The following TBC1D22A variants were observed in gnomAD, a reference collection of about 807,000 sequenced individuals.
TBC1D22A encodes the protein putative GTPase activator.
A neutral mutation model predicts 60.2 loss-of-function variants in TBC1D22A; 38 were observed. The observed-to-expected ratio is 0.63, with a 90% CI of 0.49 to 0.83. The LOEUF is 0.83. Among genes scored for constraint, TBC1D22A ranks in the 40% least tolerant of loss-of-function variants. The pLI is 0.00. For missense variants in TBC1D22A, 628 were observed against 701.0 expected (o/e 0.90, Z 1.18); for synonymous variants, 302 against 281.7 (o/e 1.07, Z -0.72).
chr22:47,037,243 C>T (rs372691939), intron 11 of TBC1D22A, 45 bp downstream of exon 11: 33 of 1,605,702 alleles, frequency 2.1e-5, no homozygotes, highest in African/African-American at 5.3e-5. Context: ...GCCAGGAGCC[C>T]GGGCCGTTTC....
intron 4 of TBC1D22A, among the ~76,000 whole-genome samples, chr22:46,832,630 G>T (rs952699185): frequency 1.3e-4 from 20 of 152,298 alleles, no homozygotes; most frequent in African/African-American, 4.6e-4. Flanking sequence ...TGGGCAACAA[G>T]AGCGAAACTC....
intron 11 of TBC1D22A, among the ~76,000 whole-genome samples, chr22:47,038,743 GATCTCACTACGGAAATT>G (rs2062739281): frequency 6.6e-6 from 1 of 152,188 alleles, no homozygotes; most frequent in South Asian, 2.1e-4. Flanking sequence ...CTGGTCTAAT[GATCTCACTACGGAAATT>G]ATCACCAGTC....
At chr22:47,091,006 G>A (rs1436146157) in intron 11 of TBC1D22A, among the ~76,000 whole-genome samples, 7 of 129,842 alleles carry the variant, frequency 5.4e-5, no homozygotes, top group Admixed American at 7.9e-5. Context: ...AGAGGGGGTG[G>A]CTGCTTGTTG....
intron 10 of TBC1D22A, among the ~76,000 whole-genome samples, chr22:47,022,979 C>T (rs1282178521): frequency 6.6e-6 from 1 of 152,152 alleles, no homozygotes; most frequent in African/African-American, 2.4e-5. Context: ...ATCTAGCTTT[C>T]AAAGGCATTG....
chr22:46,903,306 G>A (rs960379795), intron 7 of TBC1D22A, among the ~76,000 whole-genome samples: 6 of 152,206 alleles, frequency 3.9e-5, no homozygotes, highest in African/African-American at 9.6e-5. Flanking sequence ...GATGGTAGCA[G>A]AGCGAAGTTC....
chr22:46,829,762 TC>T (rs2086228535), intron 4 of TBC1D22A, among the ~76,000 whole-genome samples: 1 of 152,234 alleles, frequency 6.6e-6, no homozygotes, highest in Non-Finnish European at 1.5e-5. Flanking sequence ...TCCATGGATT[TC>T]TGAGGTTATC....
At chr22:47,042,478 A>T (rs1231304997) in intron 11 of TBC1D22A, among the ~76,000 whole-genome samples, 3 of 152,194 alleles carry the variant, frequency 2.0e-5, no homozygotes, top group Admixed American at 6.5e-5. Context: ...TGATGCGGGG[A>T]CATTGGGACT....
chr22:47,145,846 C>T (rs1249810730), intron 12 of TBC1D22A, among the ~76,000 whole-genome samples: 1 of 152,156 alleles, frequency 6.6e-6, no homozygotes, highest in African/African-American at 2.4e-5. Flanking sequence ...TGAGAGTCAG[C>T]GGAGTGGATT....
At chr22:46,978,705 G>T (rs1021664164) in intron 9 of TBC1D22A, among the ~76,000 whole-genome samples, 1 of 152,146 alleles carries the variant, frequency 6.6e-6, no homozygotes, top group African/African-American at 2.4e-5. Context: ...CGCCTCCCAG[G>T]TTCAAGCGAT....
intron 12 of TBC1D22A, among the ~76,000 whole-genome samples, chr22:47,155,219 A>C (rs114533652): frequency 0.012 from 1,888 of 151,946 alleles, 38 homozygotes; most frequent in African/African-American, 0.044. Context: ...TTTTGGAAAA[A>C]AAAAAAATGA....
chr22:47,075,222 CAA>C (rs386395628), intron 11 of TBC1D22A, among the ~76,000 whole-genome samples: 6 of 114,116 alleles, frequency 5.3e-5, no homozygotes, highest in Admixed American at 9.6e-5. Flanking sequence ...GATTCCGTCT[CAA>C]AAAAAAAAAA....
chr22:47,039,935 C>CTTTTTTTTTT lies in TBC1D22A; in HGVS notation c.1329+2755_1329+2764dup, dbSNP rs570751261. On this transcript the variant is annotated intron_variant, in intron 11 of 12. Coordinates refer to ENST00000337137, the MANE Select transcript of TBC1D22A (RefSeq NM_014346.5). Reference sequence around the variant, plus strand: ...CAAGGCGTCGGGGAGGTGCCACAGCCTTTTTTTTTTTTTTTTTTTTTTTTT... The same window carrying CTTTTTTTTTT: ...CAAGGCGTCGGGGAGGTGCCACAGCCTTTTTTTTTTTTTTTTTTTTTTTTTTTTTTTTTTT... Among the ~76,000 whole-genome samples, 323 of 77,272 alleles carry CTTTTTTTTTT rather than the reference C, an allele frequency of 4.2e-3. 38 individuals carry two copies. Among genetic ancestry groups the CTTTTTTTTTT allele is most frequent in the African/African-American group, 0.02 (313 of 15,910 alleles). The allele number at this position is 77,272 out of a possible 152,430, so 50.7% of individuals were successfully genotyped here.
chr22:47,093,347 A>T (rs2065052305), intron 11 of TBC1D22A, among the ~76,000 whole-genome samples: 1 of 152,058 alleles, frequency 6.6e-6, no homozygotes, highest in Non-Finnish European at 1.5e-5. Context: ...ATGTAAATCA[A>T]GGTCATTTTT....
chr22:46,827,484 C>T (rs2086120875), intron 4 of TBC1D22A, among the ~76,000 whole-genome samples: 1 of 152,240 alleles, frequency 6.6e-6, no homozygotes, highest in Admixed American at 6.5e-5. Flanking sequence ...TCGGAATCTG[C>T]TTTCCTTTCT....
chr22:47,119,713 T>C (rs2066202972), intron 12 of TBC1D22A, among the ~76,000 whole-genome samples: 1 of 152,150 alleles, frequency 6.6e-6, no homozygotes, highest in Non-Finnish European at 1.5e-5. Flanking sequence ...GCCAGGCTGG[T>C]CTCGAACTCC....
chr22:46,834,834 A>G (rs1437210673), intron 4 of TBC1D22A, among the ~76,000 whole-genome samples: 1 of 152,178 alleles, frequency 6.6e-6, no homozygotes, highest in Admixed American at 6.5e-5. Flanking sequence ...GGCAGCTGGC[A>G]CAACTGCACC....
chr22:47,099,771 A>G lies in TBC1D22A; in HGVS notation c.1330-11737A>G, dbSNP rs117610382. On this transcript the variant is annotated intron_variant, in intron 11 of 12. Coordinates refer to ENST00000337137, the MANE Select transcript of TBC1D22A (RefSeq NM_014346.5). ...CGTCCCTGCTTTCTAAAGTTAGAAGACATCAGGGTGGCTCTGCCAGGTCTC... is the reference window on the plus strand; with the variant it reads ...CGTCCCTGCTTTCTAAAGTTAGAAGGCATCAGGGTGGCTCTGCCAGGTCTC... Among the ~76,000 whole-genome samples, 943 of 152,262 alleles carry G rather than the reference A, an allele frequency of 6.2e-3. 8 individuals are homozygous for G. Among genetic ancestry groups the G allele is most frequent in the Non-Finnish European group, 8.6e-3 (587 of 68,012 alleles).
chr22:47,087,066 A>G (rs940116671), intron 11 of TBC1D22A, among the ~76,000 whole-genome samples: 1 of 152,218 alleles, frequency 6.6e-6, no homozygotes, highest in Admixed American at 6.5e-5. Flanking sequence ...TGGTTGCCTC[A>G]CTGTTTACTG....
At chr22:47,108,983 C>T (rs2065744380) in intron 11 of TBC1D22A, among the ~76,000 whole-genome samples, 1 of 152,228 alleles carries the variant, frequency 6.6e-6, no homozygotes, top group South Asian at 2.1e-4. Context: ...GCGTGAGCCA[C>T]TGCACCCGGC....
Sources: gnomAD v4.1 joint callset for allele counts (sites outside exome capture counted in the v4.1 genomes callset) on GRCh38, gnomAD v4.1.1 for gene constraint, MANE v1.5 for transcripts, NCBI Gene and HGNC (gene_info 2026-07-23, HGNC 2026-07-21) for gene names.